Variants in CYYR1 observed in about 807,000 individuals in gnomAD.
CYYR1 encodes cysteine and tyrosine rich 1.
Under a neutral mutation model 15.2 loss-of-function variants are expected in CYYR1, and 14 were observed. That is an observed-to-expected ratio of 0.92 (90% CI 0.61 to 1.44). The LOEUF is 1.44. Among genes scored for constraint, CYYR1 ranks in the 40% most tolerant of loss-of-function variants. CYYR1 has a pLI of 0.00. For missense variants in CYYR1, 228 were observed against 209.5 expected (o/e 1.09, Z -0.54); for synonymous variants, 80 against 77.4 (o/e 1.03, Z -0.18).
At chr21:26,491,466 C>T (rs983696454) in intron 2 of CYYR1, among the ~76,000 whole-genome samples, 13 of 152,186 alleles carry the variant, frequency 8.5e-5, no homozygotes, top group East Asian at 1.9e-4. Flanking sequence ...AGATTGAATG[C>T]GATATGAAAA....
At position 26,539,282 on chromosome 21, in the gene CYYR1, C is replaced by G. The variant is rs185135217; in HGVS notation, c.176+26984G>C. ...GTTCACCCATCTCCAACCTTAAGTA[C>G]GTAAGTGTGGCTGTGAGCCTTTCAC... On this transcript the variant is annotated intron_variant, in intron 2 of 3. Transcript: ENST00000652641. 4.7e-4 allele frequency among the ~76,000 whole-genome samples: 71 copies of G among 152,224 alleles called. No homozygotes were observed. In the East Asian group the frequency reaches 0.012, roughly 25 times the overall value.
chr21:26,570,333 C>T (rs1003386373), intron 1 of CYYR1, among the ~76,000 whole-genome samples: 1 of 152,184 alleles, frequency 6.6e-6, no homozygotes, highest in African/African-American at 2.4e-5. Flanking sequence ...CCCTGCCTCC[C>T]ACCTTAAGGA....
intron 2 of CYYR1, among the ~76,000 whole-genome samples, chr21:26,513,662 G>A (rs896483347): frequency 1.3e-5 from 2 of 152,050 alleles, no homozygotes; most frequent in African/African-American, 4.8e-5. Context: ...GGGCAGCACA[G>A]CCAGTAAGAA....
At chr21:26,494,644 T>C (rs1006577205) in intron 2 of CYYR1, among the ~76,000 whole-genome samples, 10 of 152,080 alleles carry the variant, frequency 6.6e-5, no homozygotes, top group Non-Finnish European at 7.4e-5. Flanking sequence ...ATTTTTTTTT[T>C]CCCCTTAAAA....
chr21:26,546,416 T>A (rs984987700), intron 2 of CYYR1, among the ~76,000 whole-genome samples: 2 of 152,236 alleles, frequency 1.3e-5, no homozygotes, highest in Non-Finnish European at 2.9e-5. Flanking sequence ...CTGATCTTGC[T>A]TTGCCCCTAG....
rs2064990453 is a variant in CYYR1, at chr21:26,468,125, G to A, written c.*376C>T. 3.5e-6 allele frequency: 1 copy of A among 288,454 alleles called. No homozygotes were observed. Among genetic ancestry groups the A allele is most frequent in the Admixed American group, 4.7e-5 (1 of 21,158 alleles). The allele number at this position is 288,454 out of a possible 1,614,324, so 17.9% of individuals were successfully genotyped here. A position where few individuals can be genotyped will look rare whatever the true frequency, so the allele number is the denominator to read the frequency against. On this transcript the variant is annotated 3_prime_UTR_variant, in exon 4 of 4. Coordinates refer to ENST00000652641, the MANE Select transcript of CYYR1 (RefSeq NM_001320768.2). Reference sequence around the variant, plus strand: ...ATAGAATAAAGTTGCTTCCTTGTGTGGGCCAAATCATTCTCCCATCCTACT... The same window carrying A: ...ATAGAATAAAGTTGCTTCCTTGTGTAGGCCAAATCATTCTCCCATCCTACT...
intron 2 of CYYR1, among the ~76,000 whole-genome samples, chr21:26,490,095 G>C (rs1457360644): frequency 6.6e-6 from 1 of 152,004 alleles, no homozygotes; most frequent in Non-Finnish European, 1.5e-5. Context: ...CTTGAGCCAG[G>C]AGTTCAACAC....
At chr21:26,564,387 A>G (rs1241766695) in intron 2 of CYYR1, among the ~76,000 whole-genome samples, 2 of 152,204 alleles carry the variant, frequency 1.3e-5, no homozygotes, top group African/African-American at 4.8e-5. Flanking sequence ...TTCAGTTATA[A>G]CTGCCTGAAA....
At chr21:26,495,934 G>A (rs2065395974) in intron 2 of CYYR1, among the ~76,000 whole-genome samples, 1 of 152,288 alleles carries the variant, frequency 6.6e-6, no homozygotes, top group East Asian at 1.9e-4. Context: ...GGACTTGGGC[G>A]TGGCTGTTAG....
chr21:26,516,911 C>G (rs1050262930), intron 2 of CYYR1, among the ~76,000 whole-genome samples: 1 of 151,174 alleles, frequency 6.6e-6, no homozygotes, highest in South Asian at 2.1e-4. Context: ...GTCAGGAGAT[C>G]GAGACCATCC....
chr21:26,482,203 T>C (rs2065190461), intron 2 of CYYR1: 2 of 767,794 alleles, frequency 2.6e-6, no homozygotes, highest in African/African-American at 3.8e-5. Flanking sequence ...CTTTGCTATC[T>C]GCTGAGCCAA....
At chr21:26,514,233 C>A (rs955230852) in intron 2 of CYYR1, among the ~76,000 whole-genome samples, 3 of 152,092 alleles carry the variant, frequency 2.0e-5, no homozygotes, top group African/African-American at 7.2e-5. Context: ...TTTGGTTTGA[C>A]CCCCCTCCAA....
At chr21:26,545,570 T>A in intron 2 of CYYR1, among the ~76,000 whole-genome samples, 1 of 112,372 alleles carries the variant, frequency 8.9e-6, no homozygotes. Flanking sequence ...GCTTATTCTT[T>A]TTTTTTTTTT....
chr21:26,516,467 A>T (rs2065728348), intron 2 of CYYR1, among the ~76,000 whole-genome samples: 1 of 152,258 alleles, frequency 6.6e-6, no homozygotes, highest in Non-Finnish European at 1.5e-5. Context: ...TCTGAAATGC[A>T]TTCTTCTGAA....
Position 26,468,575 on chromosome 21 carries a change from G to A in CYYR1, c.394C>T (p.Pro132Ser), listed in dbSNP as rs1160532161. Residue 132 changes from proline (P) to serine (S), a missense_variant, in exon 4 of 4, where the codon CCA becomes TCA. Physicochemically the swap from Pro to Ser is moderately conservative, Grantham distance 74 (BLOSUM62 -1). Transcript: ENST00000652641. ...GGACCCTGTGGGGTGGGGGAGTATG[G>A]AGGAGGCAAGTCTGCACAGTATTCC... is the stretch of plus-strand genomic sequence containing the variant. ...EMEYCADLPP[P>S]YSPTPQGPAQ... 8.1e-6 allele frequency: 13 copies of A among 1,613,582 alleles called. No individual in the cohort carries two copies. The East Asian group carries it at 2.9e-4, about 36-fold the overall frequency.
At chr21:26,471,128 C>T (rs2065028251) in intron 3 of CYYR1, 1 of 152,286 alleles carries the variant, frequency 6.6e-6, no homozygotes, top group Middle Eastern at 3.4e-3. Context: ...CACGCCTCGA[C>T]TTCATTATAT....
chr21:26,546,389 C>A (rs75570233), intron 2 of CYYR1, among the ~76,000 whole-genome samples: 2 of 152,334 alleles, frequency 1.3e-5, no homozygotes, highest in African/African-American at 4.8e-5. Flanking sequence ...ACTTTGATCA[C>A]ACATTCATGT....
rs946593047 is a variant in CYYR1, at chr21:26,468,420, C to T, written c.*81G>A. ...CCAAAAAGTATTCCTTGGAGCAATT[C>T]TTTCCTGCCTGTTTCTGAGTAGAGG... is the stretch of plus-strand genomic sequence containing the variant. On this transcript the variant is annotated 3_prime_UTR_variant, in exon 4 of 4. Transcript: ENST00000652641. 1 of 926,572 alleles carries T rather than the reference C, an allele frequency of 1.1e-6. No individual in the cohort carries two copies. The highest frequency in any genetic ancestry group is 1.8e-6 in the Non-Finnish European group (1 of 552,784). The allele number at this position is 926,572 out of a possible 1,614,324, so 57.4% of individuals were successfully genotyped here. A position where few individuals can be genotyped will look rare whatever the true frequency, so the allele number is the denominator to read the frequency against.
At chr21:26,515,176 T>A (rs222925) in intron 2 of CYYR1, among the ~76,000 whole-genome samples, 4 of 151,938 alleles carry the variant, frequency 2.6e-5, no homozygotes, top group Non-Finnish European at 5.9e-5. Context: ...GGGAATTGCT[T>A]TGGATCTCTG....
Sources: allele counts gnomAD v4.1 joint callset (sites outside exome capture counted in the v4.1 genomes callset), GRCh38; gene constraint gnomAD v4.1.1; transcripts MANE v1.5; gene names NCBI Gene and HGNC (gene_info 2026-07-23, HGNC 2026-07-21).